Variants in ITGB1 observed in about 807,000 individuals in gnomAD.
ITGB1 encodes integrin subunit beta 1.
A neutral mutation model predicts 86.5 loss-of-function variants in ITGB1; 24 were observed. The observed-to-expected ratio is 0.28, with a 90% CI of 0.20 to 0.39. The LOEUF (loss-of-function observed/expected upper bound fraction) is 0.39, where lower values mean the gene tolerates loss of function less well. Ranked by LOEUF, ITGB1 falls within the 10% of genes least tolerant of loss-of-function variation. ITGB1 has a pLI of 1.00. For synonymous variants in ITGB1, 323 were observed against 316.8 expected (o/e 1.02, Z -0.21); for missense variants, 556 against 946.9 (o/e 0.59, Z 5.42).
chr10:32,924,693 C>A (rs2137211168), intron 6 of ITGB1, among the ~76,000 whole-genome samples: 1 of 152,328 alleles, frequency 6.6e-6, no homozygotes, highest in Non-Finnish European at 1.5e-5. Context: ...GCTCACACAT[C>A]AATGGCTAGT....
At chr10:32,935,331 C>A (rs2094997750) in intron 2 of ITGB1, among the ~76,000 whole-genome samples, 161 bp downstream of exon 2, 1 of 152,256 alleles carries the variant, frequency 6.6e-6, no homozygotes, top group African/African-American at 2.4e-5. Flanking sequence ...GGAGCCTGAC[C>A]ATGAAGGAAC....
chr10:32,945,006 G>T, intron 1 of ITGB1: 1 of 741,290 alleles, frequency 1.3e-6, no homozygotes, highest in South Asian at 1.5e-5. Flanking sequence ...ACTCCATGAG[G>T]AGAAATGTGT....
intron 9 of ITGB1, 44 bp from the exon 10 acceptor site, chr10:32,920,429 G>C: frequency 6.3e-7 from 1 of 1,585,426 alleles, no homozygotes; most frequent in Non-Finnish European, 8.6e-7. Flanking sequence ...CAAACAAAAT[G>C]CTACTTGAAT....
rs997789554 is a variant in ITGB1 at position 32,935,552 on chromosome 10, A to C, written c.7T>G (p.Leu3Val). The change falls in exon 2 of 16, where the codon TTA (leucine) becomes GTA (valine). Residue 3 changes from leucine to valine, a missense_variant. Physicochemically the swap from Leu to Val is conservative, Grantham distance 32. Around this residue, in one of 4 missense-constraint regions of ITGB1, gnomAD observed 183 missense variants for 263.9 expected, o/e 0.69. Coordinates refer to ENST00000302278, the MANE Select transcript of ITGB1 (RefSeq NM_002211.4). MN[L>V]QPIFWIGLIS... ...AGTCCAATCCAGAAAATTGGTTGTA[A>C]ATTCATCTGAAATGTAAAATGTGCC... 9 of 1,608,782 alleles carry C rather than the reference A, an allele frequency of 5.6e-6. No individual in the cohort carries two copies. Among genetic ancestry groups the C allele is most frequent in the Non-Finnish European group, 7.7e-6 (9 of 1,175,252 alleles).
At chr10:32,943,302 T>G (rs962427714) in intron 1 of ITGB1, among the ~76,000 whole-genome samples, 10 of 152,340 alleles carry the variant, frequency 6.6e-5, no homozygotes, top group African/African-American at 2.4e-4. Context: ...GTTATATTAC[T>G]GGGTTATAAG....
Position 32,923,732 on chromosome 10 carries a change from A to G in ITGB1, c.795T>C (p.Ile265=). ...IMQVAVCGSL[I]GWRNVTRLLV... ...GCAGCCGTGTAACATTCCTCCAGCC[A>G]ATCAGTGACTTGAAAAGAAAAGGAT... Residue 265 remains isoleucine (I), a synonymous_variant, in exon 7 of 16, where the codon ATT becomes ATC. Coordinates refer to ENST00000302278, the MANE Select transcript of ITGB1 (RefSeq NM_002211.4). 1.2e-6 allele frequency: 2 copies of G among 1,610,556 alleles called. No homozygotes were observed. The highest frequency in any genetic ancestry group is 1.7e-6 in the Non-Finnish European group (2 of 1,178,852).
chr10:32,942,609 T>C (rs1198813988), intron 1 of ITGB1, among the ~76,000 whole-genome samples: 1 of 152,106 alleles, frequency 6.6e-6, no homozygotes, highest in African/African-American at 2.4e-5. Flanking sequence ...TCTTAGCACT[T>C]TGAGGGGCTG....
intron 1 of ITGB1, among the ~76,000 whole-genome samples, chr10:32,952,589 TTAAG>T (rs749176059): frequency 5.3e-5 from 8 of 152,174 alleles, no homozygotes; most frequent in Non-Finnish European, 1.0e-4. Flanking sequence ...TTACGAAAGC[TTAAG>T]TTATTTACAT....
At chr10:32,947,890 TA>T (rs571139435) in intron 1 of ITGB1, among the ~76,000 whole-genome samples, 41 of 152,336 alleles carry the variant, frequency 2.7e-4, no homozygotes, top group African/African-American at 7.5e-4. Context: ...ATAAAACATT[TA>T]AAACAATGTC....
At chr10:32,902,914 T>C (rs2094885494) in intron 15 of ITGB1, among the ~76,000 whole-genome samples, 1 of 152,184 alleles carries the variant, frequency 6.6e-6, no homozygotes. Context: ...AAAAAAGTTA[T>C]TAACTTTAAG....
intron 5 of ITGB1, 99 bp from the exon 6 acceptor site, chr10:32,926,208 T>A: frequency 1.1e-6 from 1 of 887,270 alleles, no homozygotes; most frequent in Non-Finnish European, 1.8e-6. Context: ...TTACCAAATG[T>A]AGGTTACTAT....
chr10:32,909,022 A>C (rs1213396573), intron 14 of ITGB1, among the ~76,000 whole-genome samples: 1 of 152,216 alleles, frequency 6.6e-6, no homozygotes, highest in African/African-American at 2.4e-5. Flanking sequence ...CTTCTGTAGC[A>C]ATCAGTAAGC....
chr10:32,942,697 TGGG>T (rs77276454), intron 1 of ITGB1, among the ~76,000 whole-genome samples: 91 of 145,804 alleles, frequency 6.2e-4, no homozygotes, highest in Admixed American at 1.0e-3. Context: ...TTTTTTTTTT[TGGG>T]GGGAGACAGG....
At position 32,908,544 on chromosome 10, in the gene ITGB1, A is replaced by C. The variant is rs1212435806; in HGVS notation, c.2165-10T>G. The stretch of plus-strand genomic sequence containing the variant: ...GGACCAGTGGGACACTCTGGAAAAT[A>C]AGAAGGTAATAATGAGCACCACAAA... On this transcript the variant is annotated splice_polypyrimidine_tract_variant and intron_variant, in intron 14 of 15. Coordinates refer to ENST00000302278, the MANE Select transcript of ITGB1 (RefSeq NM_002211.4). 6.2e-7 allele frequency: 1 copy of C among 1,612,668 alleles called. No individual in the cohort carries two copies. Among genetic ancestry groups the C allele is most frequent in the African/African-American group, 1.3e-5 (1 of 74,846 alleles).
chr10:32,919,294 T>TA (rs2094941447), intron 11 of ITGB1, among the ~76,000 whole-genome samples: 1 of 152,218 alleles, frequency 6.6e-6, no homozygotes, highest in Admixed American at 6.5e-5. Flanking sequence ...AGTTTTTCAT[T>TA]TTCAATTACA....
chr10:32,927,041 C>G (rs1368544232), intron 5 of ITGB1, among the ~76,000 whole-genome samples: 1 of 152,114 alleles, frequency 6.6e-6, no homozygotes, highest in East Asian at 1.9e-4. Flanking sequence ...CATTCATTTT[C>G]TTGGCACACC....
intron 1 of ITGB1, among the ~76,000 whole-genome samples, chr10:32,943,354 A>G (rs2095023484): frequency 1.3e-5 from 2 of 152,166 alleles, no homozygotes; most frequent in Non-Finnish European, 2.9e-5. Context: ...TTAACATGAA[A>G]GCATGATTTT....
chr10:32,936,996 T>C (rs1191356004), intron 1 of ITGB1, among the ~76,000 whole-genome samples: 4 of 152,200 alleles, frequency 2.6e-5, no homozygotes, highest in Non-Finnish European at 1.5e-5. Flanking sequence ...TGTGAACTGA[T>C]ACAACTTTTT....
At chr10:32,916,213 G>T (rs182871592) in intron 11 of ITGB1, among the ~76,000 whole-genome samples, 1 of 152,272 alleles carries the variant, frequency 6.6e-6, no homozygotes, top group East Asian at 1.9e-4. Flanking sequence ...CATACTGAAT[G>T]GGCAAAAACT....
Sources: gnomAD v4.1 joint callset for allele counts (sites outside exome capture counted in the v4.1 genomes callset) on GRCh38, gnomAD v4.1.1 for gene constraint, gnomAD v4.1.1 regional missense constraint, MANE v1.5 for transcripts, NCBI Gene and HGNC (gene_info 2026-07-23, HGNC 2026-07-21) for gene names.